The following DLG2 variants were observed in gnomAD, a reference collection of about 807,000 sequenced individuals.
The protein encoded by DLG2 is disks large homolog 2.
A neutral mutation model predicts 132.5 loss-of-function variants in DLG2; 45 were observed. The observed-to-expected ratio is 0.34, with a 90% CI of 0.27 to 0.44. The LOEUF is 0.44. DLG2 is among the 20% of genes least tolerant of loss of function. The pLI is 1.00. For missense variants in DLG2, 1,045 were observed against 1,196.9 expected (o/e 0.87, Z 1.87); for synonymous variants, 424 against 419.6 (o/e 1.01, Z -0.13).
chr11:84,718,262 T>A lies in DLG2; in HGVS notation c.358-183531A>T, dbSNP rs184973233. On this transcript the variant is annotated intron_variant, in intron 6 of 27. Coordinates refer to ENST00000376104, the MANE Select transcript of DLG2 (RefSeq NM_001142699.3). ...CTAAAAGCATTATTTTATTTTCACATAACATTAATTTATTTTTCAAAAAAC... is the reference window on the plus strand; with the variant it reads ...CTAAAAGCATTATTTTATTTTCACAAAACATTAATTTATTTTTCAAAAAAC... Among the ~76,000 whole-genome samples the A allele has an allele frequency of 6.2e-4, 95 of 152,228 alleles. No homozygotes were observed. The East Asian group carries it at 0.017, about 27-fold the overall frequency.
In DLG2 at chr11:84,743,975, C is replaced by T. The variant is rs575192973; in HGVS notation, c.358-209244G>A. Among the ~76,000 whole-genome samples the T allele has an allele frequency of 2.3e-3, 349 of 152,230 alleles. 2 individuals are homozygous for T. The highest frequency in any genetic ancestry group is 5.9e-3 in the Admixed American group (90 of 15,288). On this transcript the variant is annotated intron_variant, in intron 6 of 27. Transcript: ENST00000376104. ...TCCTGACCTCGTGATCCACCTGTCT[C>T]GGCCTCCCAAAGTACTGGAATTACA... is the stretch of plus-strand genomic sequence containing the variant.
At chr11:84,222,135 C>T (rs745956854) in intron 8 of DLG2, among the ~76,000 whole-genome samples, 26 of 152,082 alleles carry the variant, frequency 1.7e-4, no homozygotes, top group African/African-American at 2.6e-4. Context: ...TGGGTTCAAG[C>T]GATTCTCCTG....
intron 18 of DLG2, among the ~76,000 whole-genome samples, chr11:83,637,395 A>G (rs1375974025): frequency 6.6e-6 from 1 of 152,194 alleles, no homozygotes; most frequent in Non-Finnish European, 1.5e-5. Context: ...TTTACTGAGC[A>G]CCTGCAATGA....
In DLG2 at chr11:83,591,998, C is replaced by G. The variant is rs546515299; in HGVS notation, c.1940+41213G>C. ...CTGCTCAATGAAATAAAAGAGGATA[C>G]AAACAAATGGAAGAACATTCCATGC... On this transcript the variant is annotated intron_variant, in intron 19 of 27. Transcript: ENST00000376104. 2.5e-3 allele frequency among the ~76,000 whole-genome samples: 361 copies of G among 146,966 alleles called. 3 individuals carry two copies. The highest frequency in any genetic ancestry group is 8.6e-3 in the African/African-American group (342 of 39,832).
chr11:85,484,902 CAT>C (rs1239414017), intron 3 of DLG2, among the ~76,000 whole-genome samples: 1 of 151,994 alleles, frequency 6.6e-6, no homozygotes, highest in Admixed American at 6.6e-5. Context: ...CACATGCACA[CAT>C]ATGTTTATTG....
chr11:83,580,121 A>C (rs1420346419), intron 19 of DLG2, among the ~76,000 whole-genome samples: 1 of 152,064 alleles, frequency 6.6e-6, no homozygotes, highest in African/African-American at 2.4e-5. Context: ...CATTCCTACA[A>C]ATTTCATTTG....
chr11:83,879,440 T>C (rs1184988708), intron 15 of DLG2, among the ~76,000 whole-genome samples: 1 of 152,166 alleles, frequency 6.6e-6, no homozygotes, highest in East Asian at 1.9e-4. Context: ...TAACTCTTCA[T>C]CTCTCTCTTG....
chr11:84,396,974 C>G (rs10501561), intron 7 of DLG2, among the ~76,000 whole-genome samples: 22,627 of 152,146 alleles, frequency 0.15, 2,336 homozygotes, highest in African/African-American at 0.29. Flanking sequence ...ATGTCACGTG[C>G]ATGAATGTCC....
At chr11:83,650,636 T>A (rs1394537656) in intron 18 of DLG2, among the ~76,000 whole-genome samples, 2 of 152,276 alleles carry the variant, frequency 1.3e-5, no homozygotes, top group East Asian at 1.9e-4. Flanking sequence ...ATGAAAAAAA[T>A]TTCTTTTTCT....
At chr11:84,344,759 T>C (rs2098531717) in intron 7 of DLG2, among the ~76,000 whole-genome samples, 2 of 152,188 alleles carry the variant, frequency 1.3e-5, no homozygotes, top group South Asian at 2.1e-4. Context: ...TCCAGGTTAT[T>C]ACTCAAGTTA....
At chr11:85,064,496 C>G (rs371602597) in intron 6 of DLG2, among the ~76,000 whole-genome samples, 1 of 151,658 alleles carries the variant, frequency 6.6e-6, no homozygotes, top group Non-Finnish European at 1.5e-5. Flanking sequence ...TACATATAAA[C>G]AAATCAATCT....
chr11:85,026,512 C>A (rs11820266), intron 6 of DLG2, among the ~76,000 whole-genome samples: 5 of 152,010 alleles, frequency 3.3e-5, no homozygotes, highest in African/African-American at 1.2e-4. Context: ...TATTGAAGGG[C>A]AATCTATGAA....
chr11:85,490,112 C>T (rs1170216257), intron 3 of DLG2, among the ~76,000 whole-genome samples: 4 of 151,940 alleles, frequency 2.6e-5, no homozygotes, highest in African/African-American at 9.7e-5. Flanking sequence ...CAATTAAGCC[C>T]AAGAATGTGA....
intron 3 of DLG2, among the ~76,000 whole-genome samples, chr11:85,489,838 T>TGAAG (rs1181307484): frequency 6.6e-5 from 10 of 151,478 alleles, no homozygotes; most frequent in Non-Finnish European, 1.2e-4. Context: ...AAATAAATTA[T>TGAAG]GAAGGAATTT....
At chr11:84,845,233 G>T (rs2081308075) in intron 6 of DLG2, among the ~76,000 whole-genome samples, 1 of 152,078 alleles carries the variant, frequency 6.6e-6, no homozygotes, top group African/African-American at 2.4e-5. Flanking sequence ...TATCTCCCAT[G>T]TGAATCTAAC....
At chr11:83,966,897 T>C (rs34302412) in intron 12 of DLG2, among the ~76,000 whole-genome samples, 6,471 of 152,184 alleles carry the variant, frequency 0.043, 197 homozygotes, top group Non-Finnish European at 0.067. Context: ...CTCCCCATTT[T>C]CCACCTCCCC....
At chr11:84,862,736 G>T (rs935460261) in intron 6 of DLG2, among the ~76,000 whole-genome samples, 1 of 141,568 alleles carries the variant, frequency 7.1e-6, no homozygotes. Context: ...ACCAAACGTC[G>T]CATGTTCTCA....
chr11:83,787,361 G>T (rs577327654), intron 17 of DLG2, among the ~76,000 whole-genome samples: 1 of 119,886 alleles, frequency 8.3e-6, no homozygotes, highest in African/African-American at 3.4e-5. Context: ...TCGCTCTTTC[G>T]CCCAGGCTGG....
At chr11:84,336,439 G>T (rs1489917463) in intron 7 of DLG2, among the ~76,000 whole-genome samples, 1 of 152,086 alleles carries the variant, frequency 6.6e-6, no homozygotes, top group African/African-American at 2.4e-5. Context: ...TGCCATAAAA[G>T]AGCTCCTACT....
Sources: allele counts gnomAD v4.1 joint callset (sites outside exome capture counted in the v4.1 genomes callset), GRCh38; gene constraint gnomAD v4.1.1; transcripts MANE v1.5; gene names NCBI Gene and HGNC (gene_info 2026-07-23, HGNC 2026-07-21).